CMTM4: variants seen among roughly 807,000 people sequenced by gnomAD.
CMTM4 encodes the protein CKLF like MARVEL transmembrane domain containing 4.
Under a neutral mutation model 19.0 loss-of-function variants are expected in CMTM4, and 8 were observed. The observed-to-expected ratio is 0.42, with a 90% confidence interval of 0.25 to 0.76. The LOEUF (loss-of-function observed/expected upper bound fraction) is 0.76. CMTM4 is among the 30% of genes least tolerant of loss of function. CMTM4 has a pLI of 0.27. For missense variants in CMTM4, 228 were observed against 290.2 expected, an observed-to-expected ratio of 0.79 and a Z score of 1.56; for synonymous variants, 106 against 121.1, an observed-to-expected ratio of 0.88 and a Z score of 0.82.
intron 1 of CMTM4, among the ~76,000 whole-genome samples, chr16:66,695,260 T>C (rs1392090933): frequency 1.3e-5 from 2 of 151,986 alleles, no homozygotes; most frequent in South Asian, 2.1e-4. Flanking sequence ...GGTGAGAAGA[T>C]CGCTTGAGCC....
the CMTM4 span, among the ~76,000 whole-genome samples, chr16:66,606,281 C>T: frequency 6.6e-6 from 1 of 152,006 alleles, no homozygotes; most frequent in Non-Finnish European, 1.5e-5. Context: ...CCCCAGAAAT[C>T]GCGGGATGAA....
Position 66,622,100 on chromosome 16 carries a change from C to T in CMTM4, c.585G>A (p.Arg195=). ...GGATCTCAGGGCGACTGTCCACATC[C>T]CTGGACTCCGTGCGGGCTCGGATGT... ...NDYIRARTES[R]DVDSRPEIQR... Residue 195 remains arginine, a synonymous_variant, in exon 4 of 4, where the codon AGG becomes AGA. Transcript: ENST00000394106. The surrounding 1 kb of genome is among the most constrained non-coding windows in gnomAD (Gnocchi z 4.0). 6.3e-7 allele frequency: 1 copy of T among 1,591,026 alleles called. No homozygotes were observed. The highest frequency in any genetic ancestry group is 8.6e-7 in the Non-Finnish European group (1 of 1,167,886).
intron 1 of CMTM4, among the ~76,000 whole-genome samples, chr16:66,684,555 AGC>A (rs1158079052): frequency 1.3e-5 from 2 of 152,186 alleles, no homozygotes; most frequent in African/African-American, 4.8e-5. Flanking sequence ...AACCAGTGAT[AGC>A]CCCCATCTCG....
chr16:66,611,191 G>A (rs1450173014), downstream of CMTM4: 3 of 214,748 alleles, frequency 1.4e-5, no homozygotes, highest in Middle Eastern at 1.6e-3. Flanking sequence ...AGTGGCTCAC[G>A]CCTGTAATCT....
Position 66,622,053 on chromosome 16 carries a change from G to T in CMTM4, c.*5C>A. 1 of 1,562,412 alleles carries T rather than the reference G, an allele frequency of 6.4e-7. No individual in the cohort carries two copies. Among genetic ancestry groups the T allele is most frequent in the Non-Finnish European group, 8.7e-7 (1 of 1,152,278 alleles). On this transcript the variant is annotated 3_prime_UTR_variant, in exon 4 of 4. Coordinates refer to ENST00000394106, the MANE Select transcript of CMTM4 (RefSeq NM_181521.3). This position sits in a 1 kb window ranked among gnomAD's most constrained non-coding sequence, Gnocchi z 4.0. ...GACGGGAGGGAGGAGGATCCAGGCAGGTCCTCACGTGTCCAGGCGCTGGAT... is the reference window on the plus strand; with the variant it reads ...GACGGGAGGGAGGAGGATCCAGGCATGTCCTCACGTGTCCAGGCGCTGGAT...
chr16:66,682,106 C>T (rs2016926281), intron 1 of CMTM4, among the ~76,000 whole-genome samples: 1 of 152,190 alleles, frequency 6.6e-6, no homozygotes, highest in Non-Finnish European at 1.5e-5. Context: ...TCTGGGAGCT[C>T]TTTGGAGGCA....
intron 1 of CMTM4, among the ~76,000 whole-genome samples, chr16:66,651,423 G>A (rs1390224508): frequency 6.6e-6 from 1 of 152,168 alleles, no homozygotes; most frequent in Non-Finnish European, 1.5e-5. Context: ...CTTCCATTTA[G>A]GGAGCATCAA....
At chr16:66,682,835 C>A (rs1299772415) in intron 1 of CMTM4, among the ~76,000 whole-genome samples, 1 of 151,936 alleles carries the variant, frequency 6.6e-6, no homozygotes, top group Non-Finnish European at 1.5e-5. Flanking sequence ...CAGATACAAG[C>A]CTCTCTCTTT....
At chr16:66,624,504 T>C (rs1729130086) in intron 2 of CMTM4, among the ~76,000 whole-genome samples, 1 of 152,236 alleles carries the variant, frequency 6.6e-6, no homozygotes, top group African/African-American at 2.4e-5. Context: ...CGGTGGCTCA[T>C]GCCTGTAATC....
Position 66,619,188 on chromosome 16 carries a change from TC to T in CMTM4, c.*2869del. The T allele has an allele frequency of 1.0e-6, 1 of 985,448 alleles. No individual in the cohort carries two copies. Among genetic ancestry groups the T allele is most frequent in the Non-Finnish European group, 1.2e-6 (1 of 829,938 alleles). 61.0% of individuals were successfully genotyped at this position (985,448 alleles called of 1,614,324 possible). ...GAAAACATATTTCCCTCCCATGCCT[TC>T]AGCAGTGTGAAAGAAGGATATCAAA... On this transcript the variant is annotated 3_prime_UTR_variant, in exon 4 of 4. Coordinates refer to ENST00000394106, the MANE Select transcript of CMTM4 (RefSeq NM_181521.3).
chr16:66,664,584 TAAGTA>T (rs1345165085), intron 1 of CMTM4, among the ~76,000 whole-genome samples: 4 of 151,990 alleles, frequency 2.6e-5, no homozygotes, highest in Non-Finnish European at 5.9e-5. Flanking sequence ...ATGTTAATTA[TAAGTA>T]AAGTGTACAA....
At position 66,686,253 on chromosome 16, in the gene CMTM4, CA is replaced by C. The variant is rs74924092; in HGVS notation, c.186+10086del. ...TGGTGACAGAGCAAGATTCCGTCTC[CA>C]AAAAAAAAAAAAACAACAAAGTTCC... is the stretch of plus-strand genomic sequence containing the variant. On this transcript the variant is annotated intron_variant, in intron 1 of 3. Coordinates refer to ENST00000394106, the MANE Select transcript of CMTM4 (RefSeq NM_181521.3). Among the ~76,000 whole-genome samples the C allele has an allele frequency of 3.3e-3, 312 of 95,390 alleles. 1 individual carries two copies. Among genetic ancestry groups the C allele is most frequent in the African/African-American group, 7.8e-3 (193 of 24,812 alleles). 62.6% of individuals were successfully genotyped at this position (95,390 alleles called of 152,430 possible).
chr16:66,620,473 C>A lies in CMTM4; in HGVS notation c.*1585G>T. The A allele has an allele frequency of 1.0e-6, 1 of 985,500 alleles. No homozygotes were observed. Among genetic ancestry groups the A allele is most frequent in the Non-Finnish European group, 1.2e-6 (1 of 830,012 alleles). 61.0% of individuals were successfully genotyped at this position (985,500 alleles called of 1,614,324 possible). A position where few individuals can be genotyped will look rare whatever the true frequency, so the allele number is the denominator to read the frequency against. On this transcript the variant is annotated 3_prime_UTR_variant, in exon 4 of 4. Coordinates refer to ENST00000394106, the MANE Select transcript of CMTM4 (RefSeq NM_181521.3). Reference sequence around the variant, plus strand: ...CAGGAAGCTAACCCCAACTCCGACCCCCAGCCCAGCAGTGTTGCCTGATCA... The same window carrying A: ...CAGGAAGCTAACCCCAACTCCGACCACCAGCCCAGCAGTGTTGCCTGATCA...
intron 1 of CMTM4, among the ~76,000 whole-genome samples, chr16:66,681,820 T>C (rs755085224): frequency 2.0e-5 from 3 of 152,156 alleles, no homozygotes; most frequent in African/African-American, 4.8e-5. Context: ...TTCCCTTCCA[T>C]ACCTTTGCCT....
At chr16:66,641,944 A>G (rs2016103763) in intron 1 of CMTM4, among the ~76,000 whole-genome samples, 1 of 152,244 alleles carries the variant, frequency 6.6e-6, no homozygotes, top group South Asian at 2.1e-4. Flanking sequence ...AATTACATGT[A>G]TTCATATGTA....
Position 66,619,022 on chromosome 16 carries a change from C to A in CMTM4, c.*3036G>T. On this transcript the variant is annotated 3_prime_UTR_variant, in exon 4 of 4. Transcript: ENST00000394106. ...TTGCTTTTTCTGTAGACAAAAGTCA[C>A]CTCCCTCGGATGGCTGTTTACTTCA... 2 of 985,502 alleles carry A rather than the reference C, an allele frequency of 2.0e-6. No individual in the cohort carries two copies. The allele number at this position is 985,502 out of a possible 1,614,324, so 61.0% of individuals were successfully genotyped here.
intron 1 of CMTM4, among the ~76,000 whole-genome samples, chr16:66,676,101 C>T (rs1391454183): frequency 6.6e-6 from 1 of 152,172 alleles, no homozygotes; most frequent in Non-Finnish European, 1.5e-5. Context: ...TCTCACTTTA[C>T]TATCATAGAC....
At position 66,618,328 on chromosome 16, in the gene CMTM4, C is replaced by T; in HGVS notation, c.*3730G>A. The T allele has an allele frequency of 1.0e-6, 1 of 985,406 alleles. No homozygotes were observed. The highest frequency in any genetic ancestry group is 1.2e-6 in the Non-Finnish European group (1 of 829,928). The allele number at this position is 985,406 out of a possible 1,614,324, so 61.0% of individuals were successfully genotyped here. The stretch of plus-strand genomic sequence containing the variant: ...AGAAGATGACAGTCAGGCAGTGGCA[C>T]AAAGACTTCATGACTGTTTTGTTTT... On this transcript the variant is annotated 3_prime_UTR_variant, in exon 4 of 4. Transcript: ENST00000394106.
chr16:66,618,035 G>T lies in CMTM4; in HGVS notation c.*4023C>A. On this transcript the variant is annotated 3_prime_UTR_variant, in exon 4 of 4. Transcript: ENST00000394106. ...CCTCCCTTATCTCCCAGACCTGGCCGTGTGTGGACCTCACCAGCCTACCAA... is the reference window on the plus strand; with the variant it reads ...CCTCCCTTATCTCCCAGACCTGGCCTTGTGTGGACCTCACCAGCCTACCAA... 5 of 985,572 alleles carry T rather than the reference G, an allele frequency of 5.1e-6. No individual in the cohort carries two copies. The highest frequency in any genetic ancestry group is 4.8e-6 in the Non-Finnish European group (4 of 830,064). 61.1% of individuals were successfully genotyped at this position (985,572 alleles called of 1,614,324 possible).
Sources: allele counts gnomAD v4.1 joint callset (sites outside exome capture counted in the v4.1 genomes callset), GRCh38; gene constraint gnomAD v4.1.1; non-coding constraint Gnocchi (gnomAD v3.1); transcripts MANE v1.5; gene names NCBI Gene and HGNC (gene_info 2026-07-23, HGNC 2026-07-21).